The following LRRTM4 variants were observed in gnomAD, a reference collection of about 807,000 sequenced individuals.
LRRTM4 encodes the protein leucine rich repeat transmembrane neuronal 4.
LRRTM4 carries 25 observed loss-of-function variants against 47.6 expected under a neutral mutation model. The observed-to-expected ratio is 0.53, with a 90% confidence interval of 0.38 to 0.73. The LOEUF is 0.73. LRRTM4 is among the 30% of genes least tolerant of loss of function. LRRTM4 has a pLI of 0.00. For synonymous variants in LRRTM4, 311 were observed against 269.5 expected (o/e 1.15, Z -1.51); for missense variants, 638 against 713.4 (o/e 0.89, Z 1.20).
At chr2:76,784,204 T>A (rs770865502) in intron 3 of LRRTM4, among the ~76,000 whole-genome samples, 7 of 152,126 alleles carry the variant, frequency 4.6e-5, no homozygotes, top group Non-Finnish European at 7.4e-5. Flanking sequence ...TTAATGTTTT[T>A]GAGAAAGAAT....
intron 3 of LRRTM4, among the ~76,000 whole-genome samples, chr2:76,798,139 C>G (rs984974303): frequency 6.6e-5 from 10 of 152,070 alleles, no homozygotes; most frequent in African/African-American, 9.7e-5. Flanking sequence ...CAAATCAACA[C>G]AATATACATT....
rs185907242 is a variant in LRRTM4 at position 76,946,209 on chromosome 2, A to C, written c.1552-197293T>G. Among the ~76,000 whole-genome samples the C allele has an allele frequency of 2.2e-3, 332 of 152,102 alleles. 7 individuals are homozygous for C. The highest frequency in any genetic ancestry group is 7.7e-3 in the African/African-American group (322 of 41,568). ...TCACAGTCCTAATCATTCTAAATGGACATAATATAAATATGCATTCATGAC... is the reference window on the plus strand; with the variant it reads ...TCACAGTCCTAATCATTCTAAATGGCCATAATATAAATATGCATTCATGAC... On this transcript the variant is annotated intron_variant, in intron 3 of 3. Coordinates refer to ENST00000409884, the MANE Select transcript of LRRTM4 (RefSeq NM_001134745.3).
Position 77,264,648 on chromosome 2 carries a change from A to G in LRRTM4, c.1551+253670T>C, listed in dbSNP as rs550755503. ...ATCACTGGGAAAAGCATTTTATTTT[A>G]TTGAGATTATTTGTCTTTGGAAAAG... is the stretch of plus-strand genomic sequence containing the variant. On this transcript the variant is annotated intron_variant, in intron 3 of 3. Coordinates refer to ENST00000409884, the MANE Select transcript of LRRTM4 (RefSeq NM_001134745.3). Among the ~76,000 whole-genome samples the G allele has an allele frequency of 2.0e-5, 3 of 152,254 alleles. No individual in the cohort carries two copies. In the East Asian group the frequency reaches 5.8e-4, roughly 29 times the overall value.
At chr2:77,389,170 CTGCCAAACATAT>C (rs1245807506) in intron 3 of LRRTM4, among the ~76,000 whole-genome samples, 33 of 152,036 alleles carry the variant, frequency 2.2e-4, no homozygotes, top group Non-Finnish European at 2.9e-5. Flanking sequence ...GTTTTAATAG[CTGCCAAACATAT>C]TGCCAATCCA....
chr2:77,285,620 T>C (rs953353381), intron 3 of LRRTM4, among the ~76,000 whole-genome samples: 6 of 151,612 alleles, frequency 4.0e-5, no homozygotes, highest in Non-Finnish European at 7.4e-5. Flanking sequence ...CACATATCTG[T>C]AATCACAGTT....
At chr2:76,876,604 G>A (rs1008709927) in intron 3 of LRRTM4, among the ~76,000 whole-genome samples, 1 of 151,960 alleles carries the variant, frequency 6.6e-6, no homozygotes, top group Non-Finnish European at 1.5e-5. Context: ...GTTAACAGAT[G>A]TTTATAGAAA....
chr2:77,450,236 A>G (rs1453489532), intron 3 of LRRTM4, among the ~76,000 whole-genome samples: 1 of 151,732 alleles, frequency 6.6e-6, no homozygotes, highest in Non-Finnish European at 1.5e-5. Context: ...GTTATATAAT[A>G]TTAAAACTCT....
chr2:77,306,364 C>A (rs1403725277), intron 3 of LRRTM4, among the ~76,000 whole-genome samples: 2 of 152,140 alleles, frequency 1.3e-5, no homozygotes, highest in Admixed American at 1.3e-4. Context: ...TGGTATGTAA[C>A]CTCCTTGCAA....
intron 3 of LRRTM4, among the ~76,000 whole-genome samples, chr2:77,346,437 G>C (rs1380871953): frequency 6.6e-6 from 1 of 152,230 alleles, no homozygotes; most frequent in South Asian, 2.1e-4. Flanking sequence ...ATGACGGATA[G>C]AAATGTATAT....
At chr2:76,774,218 C>T (rs1007708786) in intron 3 of LRRTM4, among the ~76,000 whole-genome samples, 1 of 151,018 alleles carries the variant, frequency 6.6e-6, no homozygotes, top group Non-Finnish European at 1.5e-5. Flanking sequence ...TGGAGTCTTG[C>T]TCTGTGGCCA....
chr2:76,825,570 TA>T, intron 3 of LRRTM4, among the ~76,000 whole-genome samples: 1 of 151,738 alleles, frequency 6.6e-6, no homozygotes, highest in Non-Finnish European at 1.5e-5. Context: ...TGGAAGCAAG[TA>T]AAAAAGTCCA....
At chr2:76,812,737 T>G (rs1279747648) in intron 3 of LRRTM4, among the ~76,000 whole-genome samples, 1 of 135,030 alleles carries the variant, frequency 7.4e-6, no homozygotes, top group African/African-American at 2.8e-5. Flanking sequence ...TTTCTCCTCC[T>G]CCTCCTCCTC....
In LRRTM4 at chr2:77,140,090, C is replaced by T. The variant is rs12617416; in HGVS notation, c.1551+378228G>A. Reference sequence around the variant, plus strand: ...ATTCAATGCCATCCCCATCAAGCTACCAATGACTCTCTTTGCAGAATTGGA... The same window carrying T: ...ATTCAATGCCATCCCCATCAAGCTATCAATGACTCTCTTTGCAGAATTGGA... On this transcript the variant is annotated intron_variant, in intron 3 of 3. Transcript: ENST00000409884. Among the ~76,000 whole-genome samples, 8 of 152,156 alleles carry T rather than the reference C, an allele frequency of 5.3e-5. No individual in the cohort carries two copies. The South Asian group carries it at 1.7e-3, about 32-fold the overall frequency.
intron 3 of LRRTM4, among the ~76,000 whole-genome samples, chr2:76,969,805 C>T (rs1328467126): frequency 6.6e-6 from 1 of 151,872 alleles, no homozygotes; most frequent in African/African-American, 2.4e-5. Flanking sequence ...ACCTCACAAC[C>T]AACACAAGAG....
chr2:77,068,474 G>A (rs1680035309), intron 3 of LRRTM4, among the ~76,000 whole-genome samples: 1 of 151,966 alleles, frequency 6.6e-6, no homozygotes, highest in South Asian at 2.1e-4. Context: ...TCTCTCAATG[G>A]GAACCCCTGA....
chr2:76,998,950 T>C (rs41375150), intron 3 of LRRTM4, among the ~76,000 whole-genome samples: 5,662 of 151,948 alleles, frequency 0.037, 227 homozygotes, highest in East Asian at 0.14. Context: ...GTATAAGAAC[T>C]GTAACTACTC....
intron 3 of LRRTM4, among the ~76,000 whole-genome samples, chr2:76,923,126 G>A (rs1396152581): frequency 6.6e-6 from 1 of 151,976 alleles, no homozygotes; most frequent in Non-Finnish European, 1.5e-5. Context: ...TTAAACTTCT[G>A]TCAATGTCTT....
intron 3 of LRRTM4, among the ~76,000 whole-genome samples, chr2:77,312,814 A>G (rs1202919292): frequency 6.6e-6 from 1 of 152,210 alleles, no homozygotes; most frequent in Non-Finnish European, 1.5e-5. Context: ...GAGATTTGGT[A>G]TAACCATTCT....
chr2:77,118,456 C>T (rs181870492), intron 3 of LRRTM4, among the ~76,000 whole-genome samples: 159 of 152,022 alleles, frequency 1.0e-3, no homozygotes, highest in African/African-American at 3.5e-3. Context: ...GACGGGGACA[C>T]ATAGTTTCTT....
Sources: gnomAD v4.1 joint callset for allele counts (sites outside exome capture counted in the v4.1 genomes callset) on GRCh38, gnomAD v4.1.1 for gene constraint, MANE v1.5 for transcripts, NCBI Gene and HGNC (gene_info 2026-07-23, HGNC 2026-07-21) for gene names.